Variants in ARID3B observed in about 807,000 individuals in gnomAD.
ARID3B encodes AT-rich interactive domain-containing protein 3B.
A neutral mutation model predicts 51.9 loss-of-function variants in ARID3B; 10 were observed. The ratio of observed to expected loss-of-function variants is 0.19; its 90% CI spans 0.12 to 0.33. ARID3B has a LOEUF of 0.33. Among genes scored for constraint, ARID3B ranks in the 10% least tolerant of loss-of-function variants. The probability of loss-of-function intolerance (pLI) is 1.00; values close to 1 mark genes in which losing one functional copy is unlikely to be tolerated. For synonymous variants in ARID3B, 205 were observed against 279.5 expected (o/e 0.73, Z 2.66); for missense variants, 483 against 716.3 (o/e 0.67, Z 3.72).
At chr15:74,579,446 C>G (rs1428991817) in intron 4 of ARID3B, among the ~76,000 whole-genome samples, 1 of 152,188 alleles carries the variant, frequency 6.6e-6, no homozygotes, top group Non-Finnish European at 1.5e-5. Flanking sequence ...ACATCCTCCC[C>G]ACTCTGGTGG....
At chr15:74,574,875 G>T (rs927478231) in intron 4 of ARID3B, 15 of 151,982 alleles carry the variant, frequency 9.9e-5, no homozygotes, top group Non-Finnish European at 1.8e-4. Context: ...GGTAGCGCGT[G>T]CCTGTAGTTC....
At chr15:74,589,063 T>G (rs1370137917) in intron 4 of ARID3B, among the ~76,000 whole-genome samples, 2 of 83,414 alleles carry the variant, frequency 2.4e-5, no homozygotes, top group East Asian at 2.2e-3. Context: ...ACAGTCTCAC[T>G]GTCGCCCAGG....
intron 2 of ARID3B, among the ~76,000 whole-genome samples, chr15:74,566,845 A>C (rs1348823450): frequency 6.6e-6 from 1 of 152,174 alleles, no homozygotes; most frequent in Non-Finnish European, 1.5e-5. Context: ...AAGCTCCATG[A>C]GGTGATCATC....
intron 2 of ARID3B, among the ~76,000 whole-genome samples, chr15:74,563,640 G>A (rs1183681356): frequency 2.0e-5 from 3 of 152,174 alleles, no homozygotes; most frequent in Non-Finnish European, 2.9e-5. Flanking sequence ...CCTCTGTGGT[G>A]TGGATGGATG....
At chr15:74,550,624 A>G (rs1030614845) in intron 2 of ARID3B, among the ~76,000 whole-genome samples, 33 of 151,646 alleles carry the variant, frequency 2.2e-4, no homozygotes, top group Admixed American at 2.0e-3. Flanking sequence ...GGAGAGTGGC[A>G]TGAACCCGGG....
chr15:74,544,941 C>T (rs1278089300), intron 2 of ARID3B, among the ~76,000 whole-genome samples: 7 of 152,168 alleles, frequency 4.6e-5, no homozygotes, highest in African/African-American at 1.7e-4. Context: ...CTGCCTGCCT[C>T]GGCCTCCCAA....
chr15:74,554,029 C>G (rs555060914), intron 2 of ARID3B, among the ~76,000 whole-genome samples: 44 of 151,846 alleles, frequency 2.9e-4, no homozygotes, highest in African/African-American at 1.1e-3. Context: ...TTTTTTGAGA[C>G]AGAGTCTCGC....
intron 2 of ARID3B, among the ~76,000 whole-genome samples, chr15:74,547,477 C>T (rs1352213533): frequency 6.6e-6 from 1 of 152,204 alleles, no homozygotes; most frequent in African/African-American, 2.4e-5. Flanking sequence ...GCCACCGCGC[C>T]TACCCTGACA....
chr15:74,567,207 C>G (rs1180023792), intron 2 of ARID3B, among the ~76,000 whole-genome samples: 1 of 152,154 alleles, frequency 6.6e-6, no homozygotes, highest in Non-Finnish European at 1.5e-5. Context: ...CTTATATCCT[C>G]CCTGTCAAAA....
intron 2 of ARID3B, among the ~76,000 whole-genome samples, chr15:74,551,082 TG>T (rs1200679517): frequency 3.9e-5 from 6 of 152,214 alleles, no homozygotes; most frequent in Non-Finnish European, 8.8e-5. Flanking sequence ...TCCATATACA[TG>T]GGTTTCACAT....
At position 74,541,247 on chromosome 15, in the gene ARID3B, G is replaced by A. The variant is rs1199940710; in HGVS notation, c.-161G>A. ...CGCCCCGGCTGTGGCCCCCGGCTGC[G>A]GAGGAGTCCGAGACGCAGCTGCCGC... On this transcript the variant is annotated 5_prime_UTR_variant, in exon 1 of 9. Coordinates refer to ENST00000346246, the MANE Select transcript of ARID3B (RefSeq NM_006465.4). 1 of 148,474 alleles carries A rather than the reference G, an allele frequency of 6.7e-6. No homozygotes were observed. The allele number at this position is 148,474 out of a possible 1,614,324, so 9.2% of individuals were successfully genotyped here. A position where few individuals can be genotyped will look rare whatever the true frequency, so the allele number is the denominator to read the frequency against.
At chr15:74,576,903 C>A (rs1289259671) in intron 4 of ARID3B, among the ~76,000 whole-genome samples, 1 of 152,084 alleles carries the variant, frequency 6.6e-6, no homozygotes, top group Non-Finnish European at 1.5e-5. Flanking sequence ...CTGGAAGAAC[C>A]CTTGTTGATG....
chr15:74,592,545 G>A (rs2061807711), intron 7 of ARID3B, among the ~76,000 whole-genome samples: 1 of 152,200 alleles, frequency 6.6e-6, no homozygotes, highest in African/African-American at 2.4e-5. Flanking sequence ...TCCAGGGCCA[G>A]GTACCCTGCT....
chr15:74,591,080 C>A lies in ARID3B; in HGVS notation c.882-71C>A, dbSNP rs2061800919. The A allele has an allele frequency of 6.6e-7, 1 of 1,523,474 alleles. No individual in the cohort carries two copies. Among genetic ancestry groups the A allele is most frequent in the Admixed American group, 2.1e-5 (1 of 48,492 alleles). 94.4% of individuals were successfully genotyped at this position (1,523,474 alleles called of 1,614,324 possible). A position where few individuals can be genotyped will look rare whatever the true frequency, so the allele number is the denominator to read the frequency against. On this transcript the variant is annotated intron_variant, in intron 5 of 8. Coordinates refer to ENST00000346246, the MANE Select transcript of ARID3B (RefSeq NM_006465.4). This position sits in a 1 kb window ranked among gnomAD's most constrained non-coding sequence, Gnocchi z 5.8. ...CCCAACAGAGACTGCTTCCAGAGAC[C>A]CACCAACCTCAACTGGGTGGTCTCT...
intron 1 of ARID3B, among the ~76,000 whole-genome samples, chr15:74,541,998 G>A (rs1056737889): frequency 1.3e-5 from 2 of 152,208 alleles, no homozygotes; most frequent in African/African-American, 4.8e-5. Context: ...TGTGTATTGA[G>A]TTGTAGAACT....
At chr15:74,547,567 G>A (rs2061620754) in intron 2 of ARID3B, among the ~76,000 whole-genome samples, 1 of 152,164 alleles carries the variant, frequency 6.6e-6, no homozygotes, top group Non-Finnish European at 1.5e-5. Flanking sequence ...CTTTGTGCCA[G>A]ACCTGTGCTG....
In ARID3B at chr15:74,591,801, G is replaced by T; in HGVS notation, c.1407G>T (p.Arg469Ser). The T allele has an allele frequency of 1.9e-6, 3 of 1,613,422 alleles. No individual in the cohort carries two copies. The highest frequency in any genetic ancestry group is 1.7e-6 in the Non-Finnish European group (2 of 1,179,474). Residue 469 changes from arginine (R) to serine (S), a missense_variant, in exon 7 of 9, where the codon AGG becomes AGT. By Grantham distance (110) the Arg-to-Ser change is moderately radical. Transcript: ENST00000346246. This position sits in a 1 kb window ranked among gnomAD's most constrained non-coding sequence, Gnocchi z 5.8. Reference sequence around the variant, plus strand: ...CACGGCAGCTCCCCATGAAGATCAGGATCAACGGCAGGGGTGAGCCAGGCT... The same window carrying T: ...CACGGCAGCTCCCCATGAAGATCAGTATCAACGGCAGGGGTGAGCCAGGCT... ...SMARQLPMKI[R>S]INGREDRAEA...
At chr15:74,570,368 C>T (rs1232453502) in intron 2 of ARID3B, among the ~76,000 whole-genome samples, 1 of 134,856 alleles carries the variant, frequency 7.4e-6, no homozygotes, top group Non-Finnish European at 1.6e-5. Flanking sequence ...CCCTGTCTGA[C>T]TTTTTAGGTT....
At chr15:74,541,605 A>G (rs2061595490) in intron 1 of ARID3B, among the ~76,000 whole-genome samples, 1 of 150,728 alleles carries the variant, frequency 6.6e-6, no homozygotes, top group Admixed American at 6.6e-5. Flanking sequence ...GGCGGGGGCC[A>G]TCGGAAGAGC....
Sources: allele counts gnomAD v4.1 joint callset (sites outside exome capture counted in the v4.1 genomes callset), GRCh38; gene constraint gnomAD v4.1.1; non-coding constraint Gnocchi (gnomAD v3.1); transcripts MANE v1.5; gene names NCBI Gene and HGNC (gene_info 2026-07-23, HGNC 2026-07-21).